The following PTPRT variants were observed in gnomAD, a reference collection of about 807,000 sequenced individuals.
PTPRT encodes receptor-type tyrosine-protein phosphatase T.
A neutral mutation model predicts 176.8 loss-of-function variants in PTPRT; 56 were observed. The observed-to-expected ratio is 0.32, with a 90% confidence interval of 0.26 to 0.40. The LOEUF (loss-of-function observed/expected upper bound fraction) is 0.40, where lower values mean the gene tolerates loss of function less well. Among genes scored for constraint, PTPRT ranks in the 10% least tolerant of loss-of-function variants. The pLI is 1.00. For missense variants in PTPRT, 1,540 were observed against 1,908.2 expected (o/e 0.81, Z 3.60); for synonymous variants, 783 against 739.0 (o/e 1.06, Z -0.96).
chr20:43,175,503 G>A (rs1344902785), intron 1 of PTPRT, among the ~76,000 whole-genome samples: 1 of 152,054 alleles, frequency 6.6e-6, no homozygotes, highest in African/African-American at 2.4e-5. Flanking sequence ...AGCTGTGACT[G>A]TGCCACTGCA....
chr20:43,133,112 G>A (rs1055395430), intron 1 of PTPRT, among the ~76,000 whole-genome samples: 3 of 152,166 alleles, frequency 2.0e-5, no homozygotes, highest in Non-Finnish European at 4.4e-5. Context: ...GGAGCTCAAT[G>A]GGGGGTTCTG....
intron 23 of PTPRT, among the ~76,000 whole-genome samples, chr20:42,108,996 T>TG (rs1382367138): frequency 1.3e-5 from 2 of 152,102 alleles, no homozygotes; most frequent in African/African-American, 2.4e-5. Flanking sequence ...GATATAGAGA[T>TG]GGGGGGCATT....
At chr20:42,951,182 A>G (rs1473489475) in intron 1 of PTPRT, among the ~76,000 whole-genome samples, 1 of 152,122 alleles carries the variant, frequency 6.6e-6, no homozygotes, top group Admixed American at 6.6e-5. Context: ...ATGGATGGGT[A>G]AACAGGAGAT....
chr20:42,489,395 C>A (rs1450333771), intron 7 of PTPRT, among the ~76,000 whole-genome samples: 2 of 152,040 alleles, frequency 1.3e-5, no homozygotes. Context: ...TTCACTTTCC[C>A]CTGTTGACCT....
chr20:42,975,284 G>T (rs1982883470), intron 1 of PTPRT, among the ~76,000 whole-genome samples: 1 of 152,040 alleles, frequency 6.6e-6, no homozygotes, highest in Non-Finnish European at 1.5e-5. Context: ...CATATGCTAT[G>T]GTTACATGGA....
the PTPRT span, among the ~76,000 whole-genome samples, chr20:42,066,455 T>C: frequency 2.0e-5 from 3 of 151,946 alleles, no homozygotes; most frequent in African/African-American, 4.8e-5. Flanking sequence ...TAGGGGTTTT[T>C]TTGGTGTGTA....
intron 15 of PTPRT, among the ~76,000 whole-genome samples, chr20:42,213,061 G>C (rs552567632): frequency 1.3e-5 from 2 of 152,150 alleles, no homozygotes; most frequent in Non-Finnish European, 2.9e-5. Context: ...GAGCACCACC[G>C]ATGCGGAACA....
At position 42,486,628 on chromosome 20, in the gene PTPRT, C is replaced by T. The variant is rs768988448; in HGVS notation, c.1154-14066G>A. On this transcript the variant is annotated intron_variant, in intron 7 of 30. Transcript: ENST00000373187. Reference sequence around the variant, plus strand: ...GTATAACAAATCACCCCCAAAGCCACGGGTTTACAGCAACAGACATTTATT... The same window carrying T: ...GTATAACAAATCACCCCCAAAGCCATGGGTTTACAGCAACAGACATTTATT... Among the ~76,000 whole-genome samples the T allele has an allele frequency of 4.6e-5, 7 of 152,222 alleles. No homozygotes were observed. The East Asian group carries it at 5.8e-4, about 13-fold the overall frequency.
chr20:42,196,965 T>C (rs925883699), intron 16 of PTPRT, among the ~76,000 whole-genome samples: 5 of 152,202 alleles, frequency 3.3e-5, no homozygotes, highest in Non-Finnish European at 7.3e-5. Flanking sequence ...TAAAGGGAAG[T>C]ACGTCATATC....
chr20:42,453,111 T>C (rs1399434321), intron 8 of PTPRT, among the ~76,000 whole-genome samples: 1 of 152,222 alleles, frequency 6.6e-6, no homozygotes, highest in Non-Finnish European at 1.5e-5. Context: ...GAACAAGTCT[T>C]ATTCTTCTTT....
chr20:42,177,858 C>T, intron 16 of PTPRT, among the ~76,000 whole-genome samples: 1 of 151,536 alleles, frequency 6.6e-6, no homozygotes, highest in African/African-American at 2.4e-5. Context: ...CCCTTCCCTC[C>T]CCTCCCCTTC....
intron 16 of PTPRT, among the ~76,000 whole-genome samples, chr20:42,162,330 T>C (rs1240259497): frequency 6.6e-6 from 1 of 152,218 alleles, no homozygotes; most frequent in Non-Finnish European, 1.5e-5. Flanking sequence ...CTCTCCCTGA[T>C]GTAGGATCTA....
chr20:42,230,305 A>G (rs1337472345), intron 15 of PTPRT, among the ~76,000 whole-genome samples: 1 of 152,186 alleles, frequency 6.6e-6, no homozygotes, highest in Non-Finnish European at 1.5e-5. Context: ...AGGCTAAGTG[A>G]AGTAGTTACG....
intron 1 of PTPRT, among the ~76,000 whole-genome samples, chr20:42,922,836 T>A (rs200678192): frequency 6.6e-6 from 1 of 152,104 alleles, no homozygotes; most frequent in South Asian, 2.1e-4. Flanking sequence ...CTTATCTTTG[T>A]ATGCAGGTGA....
intron 16 of PTPRT, among the ~76,000 whole-genome samples, chr20:42,184,716 C>T (rs1246459089): frequency 6.6e-6 from 1 of 150,988 alleles, no homozygotes; most frequent in Non-Finnish European, 1.5e-5. Context: ...TAACCTCCAC[C>T]TCCTGGGTTC....
chr20:42,630,262 C>T (rs1175872838), intron 7 of PTPRT, among the ~76,000 whole-genome samples: 1 of 152,130 alleles, frequency 6.6e-6, no homozygotes, highest in East Asian at 1.9e-4. Flanking sequence ...GTCCCAGAAC[C>T]TCTAGAACCA....
Position 42,804,348 on chromosome 20 carries a change from G to A in PTPRT, c.215-12882C>T, listed in dbSNP as rs144455714. 7.2e-5 allele frequency among the ~76,000 whole-genome samples: 11 copies of A among 152,150 alleles called. No homozygotes were observed. The East Asian group carries it at 2.1e-3, about 30-fold the overall frequency. ...GACTATCCCCCTTGACCACAATGCA[G>A]ACCCCAACCATCTCTTGGGTTCCCC... On this transcript the variant is annotated intron_variant, in intron 2 of 30. Transcript: ENST00000373187.
intron 1 of PTPRT, among the ~76,000 whole-genome samples, chr20:43,055,993 A>C (rs1987219619): frequency 6.6e-6 from 1 of 152,248 alleles, no homozygotes; most frequent in South Asian, 2.1e-4. Flanking sequence ...TAAAACTATT[A>C]TATTAGACAG....
At chr20:42,765,304 G>A (rs1391114451) in intron 5 of PTPRT, among the ~76,000 whole-genome samples, 1 of 152,126 alleles carries the variant, frequency 6.6e-6, no homozygotes, top group Non-Finnish European at 1.5e-5. Flanking sequence ...CAAGGAAAGA[G>A]CCCCATCCAC....
Sources: gnomAD v4.1 joint callset for allele counts (sites outside exome capture counted in the v4.1 genomes callset) on GRCh38, gnomAD v4.1.1 for gene constraint, MANE v1.5 for transcripts, NCBI Gene and HGNC (gene_info 2026-07-23, HGNC 2026-07-21) for gene names.